HNF4G: variants seen among roughly 807,000 people sequenced by gnomAD.
HNF4G encodes the protein hepatocyte nuclear factor 4 gamma.
A neutral mutation model predicts 50.9 loss-of-function variants in HNF4G; 21 were observed. The ratio of observed to expected loss-of-function variants is 0.41; its 90% CI spans 0.29 to 0.59. The LOEUF (loss-of-function observed/expected upper bound fraction) is 0.59. Ranked by LOEUF, HNF4G falls within the 20% of genes least tolerant of loss-of-function variation. The pLI is 0.26. For synonymous variants in HNF4G, 198 were observed against 185.6 expected, an observed-to-expected ratio of 1.07 and a Z score of -0.54; for missense variants, 527 against 559.4, an observed-to-expected ratio of 0.94 and a Z score of 0.58.
chr8:75,450,274 T>C lies in HNF4G; in HGVS notation c.-143-39815T>C, dbSNP rs565760385. Among the ~76,000 whole-genome samples the C allele has an allele frequency of 1.6e-4, 24 of 149,986 alleles. No individual in the cohort carries two copies. In the South Asian group the frequency reaches 4.8e-3, roughly 30 times the overall value. On this transcript the variant is annotated intron_variant, in intron 1 of 10. Transcript: ENST00000354370. ...ATTGATTGATGGACACTTAGGTTAATTACATGTCTTGGCTATTGTGAATAG... is the reference window on the plus strand; with the variant it reads ...ATTGATTGATGGACACTTAGGTTAACTACATGTCTTGGCTATTGTGAATAG...
intron 2 of HNF4G, among the ~76,000 whole-genome samples, chr8:75,495,173 T>A (rs1680387399): frequency 6.6e-6 from 1 of 152,212 alleles, no homozygotes; most frequent in Admixed American, 6.5e-5. Flanking sequence ...TAAACTAGTA[T>A]CCTCCTACTC....
intron 6 of HNF4G, among the ~76,000 whole-genome samples, chr8:75,557,606 G>T (rs1807170848): frequency 6.6e-6 from 1 of 152,144 alleles, no homozygotes; most frequent in Non-Finnish European, 1.5e-5. Flanking sequence ...GGGCGATAGA[G>T]ACTCCATCTA....
At chr8:75,490,294 C>T (rs1812593846) in intron 2 of HNF4G, 1 of 152,306 alleles carries the variant, frequency 6.6e-6, no homozygotes, top group Admixed American at 6.6e-5. Flanking sequence ...TTCTTCTTGT[C>T]TGACTTGCTT....
intron 2 of HNF4G, among the ~76,000 whole-genome samples, chr8:75,500,951 C>T (rs574051107): frequency 3.3e-5 from 5 of 151,912 alleles, no homozygotes; most frequent in South Asian, 2.1e-4. Flanking sequence ...GTTTGTCCAA[C>T]CTTTTGAATA....
chr8:75,543,347 A>G (rs1585940289), intron 1 of HNF4G, among the ~76,000 whole-genome samples: 1 of 152,318 alleles, frequency 6.6e-6, no homozygotes, highest in Middle Eastern at 3.4e-3. Context: ...ATTGACTGAT[A>G]CAGGGGAGAC....
intron 1 of HNF4G, among the ~76,000 whole-genome samples, chr8:75,466,787 G>C (rs1295301909): frequency 6.6e-6 from 1 of 151,780 alleles, no homozygotes; most frequent in African/African-American, 2.4e-5. Flanking sequence ...AGGCTCAAGA[G>C]ATCCTCCTGC....
At chr8:75,541,255 G>A (rs543038762) in intron 1 of HNF4G, among the ~76,000 whole-genome samples, 11 of 152,114 alleles carry the variant, frequency 7.2e-5, no homozygotes, top group African/African-American at 2.4e-4. Context: ...CTGAAATAAC[G>A]ATTTTGTATG....
At chr8:75,514,369 T>C (rs1805839569) in intron 2 of HNF4G, among the ~76,000 whole-genome samples, 1 of 147,236 alleles carries the variant, frequency 6.8e-6, no homozygotes, top group Non-Finnish European at 1.5e-5. Context: ...TTTTTTTCTT[T>C]CTTTTTTTTT....
chr8:75,463,641 G>T (rs1047722251), intron 1 of HNF4G, among the ~76,000 whole-genome samples: 1 of 151,582 alleles, frequency 6.6e-6, no homozygotes, highest in Non-Finnish European at 1.5e-5. Context: ...TCCAGATAAG[G>T]TATTAATTCT....
At chr8:75,559,417 G>A (rs1338335941) in intron 8 of HNF4G, among the ~76,000 whole-genome samples, 2 of 152,030 alleles carry the variant, frequency 1.3e-5, no homozygotes, top group Non-Finnish European at 2.9e-5. Flanking sequence ...GGGACTACAG[G>A]CACACACCAC....
intron 1 of HNF4G, among the ~76,000 whole-genome samples, chr8:75,488,328 C>T (rs186596213): frequency 9.7e-4 from 147 of 152,198 alleles, no homozygotes; most frequent in African/African-American, 2.8e-3. Flanking sequence ...GGGTGGAGTG[C>T]GGTGGCGTGT....
chr8:75,515,546 G>A (rs182183183), intron 2 of HNF4G, among the ~76,000 whole-genome samples: 1 of 152,136 alleles, frequency 6.6e-6, no homozygotes, highest in Non-Finnish European at 1.5e-5. Flanking sequence ...CAGTCTAAAG[G>A]CCTGAGAACT....
chr8:75,460,890 T>C lies in HNF4G; in HGVS notation c.-143-29199T>C, dbSNP rs73688892. 5.0e-3 allele frequency among the ~76,000 whole-genome samples: 768 copies of C among 152,272 alleles called. 13 individuals carry two copies. Among genetic ancestry groups the C allele is most frequent in the African/African-American group, 0.018 (742 of 41,566 alleles). On this transcript the variant is annotated intron_variant, in intron 1 of 10. Transcript: ENST00000354370. Reference sequence around the variant, plus strand: ...TTGAGGGTTTGGCAGAAGAAAACAGTCTTCACCACTTTTTCTTACAAATGT... The same window carrying C: ...TTGAGGGTTTGGCAGAAGAAAACAGCCTTCACCACTTTTTCTTACAAATGT...
At chr8:75,433,516 A>AT (rs752093737) in intron 1 of HNF4G, among the ~76,000 whole-genome samples, 1 of 151,790 alleles carries the variant, frequency 6.6e-6, no homozygotes, top group Admixed American at 6.6e-5. Flanking sequence ...ATATGATTGT[A>AT]TTTATTGATT....
intron 1 of HNF4G, among the ~76,000 whole-genome samples, chr8:75,434,878 A>G (rs779069765): frequency 1.3e-5 from 2 of 152,220 alleles, no homozygotes; most frequent in African/African-American, 2.4e-5. Context: ...AAATAGAAAA[A>G]CTTAGTAGTC....
intron 2 of HNF4G, among the ~76,000 whole-genome samples, chr8:75,521,414 C>T (rs1806038631): frequency 6.6e-6 from 1 of 152,156 alleles, no homozygotes; most frequent in Admixed American, 6.5e-5. Flanking sequence ...GTATAAAAAT[C>T]TATTGATAAT....
chr8:75,424,494 G>T (rs1810846985), intron 1 of HNF4G, among the ~76,000 whole-genome samples: 6 of 152,076 alleles, frequency 3.9e-5, no homozygotes, highest in Admixed American at 3.9e-4. Flanking sequence ...CTCAGATAGT[G>T]GACGTAATAC....
chr8:75,470,341 G>A (rs1812086475), intron 1 of HNF4G, among the ~76,000 whole-genome samples: 1 of 152,198 alleles, frequency 6.6e-6, no homozygotes, highest in African/African-American at 2.4e-5. Flanking sequence ...CTTGGCTTAA[G>A]AGAATACAGT....
chr8:75,425,964 T>A (rs937089143), intron 1 of HNF4G, among the ~76,000 whole-genome samples: 1 of 152,224 alleles, frequency 6.6e-6, no homozygotes, highest in Admixed American at 6.5e-5. Context: ...ATTAGTTTTT[T>A]AAGGTATAAA....
Sources: allele counts gnomAD v4.1 joint callset (sites outside exome capture counted in the v4.1 genomes callset), GRCh38; gene constraint gnomAD v4.1.1; transcripts MANE v1.5; gene names NCBI Gene and HGNC (gene_info 2026-07-23, HGNC 2026-07-21).